Variants in VWC2 observed in about 807,000 individuals in gnomAD.
VWC2 encodes the protein von Willebrand factor C domain containing 2, also known as brorin.
A neutral mutation model predicts 29.8 loss-of-function variants in VWC2; 14 were observed. That is an observed-to-expected ratio of 0.47 (90% CI 0.31 to 0.74). The LOEUF (loss-of-function observed/expected upper bound fraction) is 0.74. Ranked by LOEUF, VWC2 falls within the 30% of genes least tolerant of loss-of-function variation. The pLI is 0.05. For synonymous variants in VWC2, 213 were observed against 199.0 expected (o/e 1.07, Z -0.59); for missense variants, 457 against 459.8 (o/e 0.99, Z 0.05).
At chr7:49,875,387 A>AAAAC (rs1476505605) in intron 3 of VWC2, among the ~76,000 whole-genome samples, 11 of 149,738 alleles carry the variant, frequency 7.3e-5, no homozygotes, top group Non-Finnish European at 1.0e-4. Context: ...AAAAAAAAAA[A>AAAAC]AAAAAAAAAA....
chr7:49,909,980 G>T (rs1458939463), intron 3 of VWC2, among the ~76,000 whole-genome samples: 2 of 151,722 alleles, frequency 1.3e-5, no homozygotes, highest in African/African-American at 4.8e-5. Context: ...GTGGTGGTGT[G>T]CTCCTCTGAT....
intron 3 of VWC2, among the ~76,000 whole-genome samples, chr7:49,834,937 A>C (rs2661876): frequency 0.36 from 54,468 of 152,054 alleles, 10,172 homozygotes; most frequent in South Asian, 0.53. Flanking sequence ...TGTCAACCTA[A>C]AGATAGAAGC....
chr7:49,880,711 T>C (rs1461450064), intron 3 of VWC2, among the ~76,000 whole-genome samples: 2 of 151,950 alleles, frequency 1.3e-5, no homozygotes, highest in African/African-American at 4.8e-5. Flanking sequence ...AGGGATAGCA[T>C]TAGGAGATAC....
At chr7:49,827,801 A>G (rs980696920) in intron 3 of VWC2, among the ~76,000 whole-genome samples, 1 of 152,060 alleles carries the variant, frequency 6.6e-6, no homozygotes, top group Admixed American at 6.5e-5. Flanking sequence ...ACACCCCATT[A>G]TATCTTACCA....
Position 49,774,540 on chromosome 7 carries a change from A to C in VWC2, c.-104+427A>C, listed in dbSNP as rs552464574. On this transcript the variant is annotated intron_variant, in intron 1 of 3. Coordinates refer to ENST00000340652, the MANE Select transcript of VWC2 (RefSeq NM_198570.5). ...CGCCCACTCTGCGCCCTGGGGCCCC[A>C]GCCTCCCGCACTGCACACCTTGGTG... is the stretch of plus-strand genomic sequence containing the variant. 4.6e-5 allele frequency among the ~76,000 whole-genome samples: 7 copies of C among 152,308 alleles called. No individual in the cohort carries two copies. In the East Asian group the frequency reaches 1.4e-3, roughly 30 times the overall value.
chr7:49,805,624 T>C (rs1788860644), intron 3 of VWC2, among the ~76,000 whole-genome samples: 1 of 152,212 alleles, frequency 6.6e-6, no homozygotes, highest in Non-Finnish European at 1.5e-5. Flanking sequence ...TGCTCTATAA[T>C]AACTGACTGA....
Position 49,775,387 on chromosome 7 carries a change from C to G in VWC2, c.-49C>G. 7.5e-7 allele frequency: 1 copy of G among 1,328,246 alleles called. No individual in the cohort carries two copies. The highest frequency in any genetic ancestry group is 1.5e-5 in the African/African-American group (1 of 64,752). 82.3% of individuals were successfully genotyped at this position (1,328,246 alleles called of 1,614,324 possible). The stretch of plus-strand genomic sequence containing the variant: ...GCCCCCGGGCTGTGAATGCGACTCG[C>G]CCCTCGGCCGCGCTCCCCGCCCGCC... On this transcript the variant is annotated 5_prime_UTR_variant, in exon 2 of 4. Coordinates refer to ENST00000340652, the MANE Select transcript of VWC2 (RefSeq NM_198570.5).
At chr7:49,885,287 AGGTAATTTCT>A (rs1340048762) in intron 3 of VWC2, among the ~76,000 whole-genome samples, 4 of 152,174 alleles carry the variant, frequency 2.6e-5, no homozygotes, top group Non-Finnish European at 4.4e-5. Flanking sequence ...ATAAAATGAG[AGGTAATTTCT>A]CAACAAATTT....
chr7:49,834,761 T>G (rs564386327), intron 3 of VWC2, among the ~76,000 whole-genome samples: 6 of 152,146 alleles, frequency 3.9e-5, no homozygotes, highest in East Asian at 3.9e-4. Context: ...ATTCTGGGGG[T>G]TTGGGACTGG....
At chr7:49,876,782 T>A (rs1025333480) in intron 3 of VWC2, among the ~76,000 whole-genome samples, 5 of 152,134 alleles carry the variant, frequency 3.3e-5, no homozygotes, top group African/African-American at 1.2e-4. Flanking sequence ...TATGGCATAA[T>A]TAGCTTGAAA....
chr7:49,871,877 A>G (rs1310643731), intron 3 of VWC2, among the ~76,000 whole-genome samples: 1 of 140,258 alleles, frequency 7.1e-6, no homozygotes, highest in Admixed American at 7.0e-5. Context: ...GTGCATATAT[A>G]ATGTTTTTTG....
intron 3 of VWC2, among the ~76,000 whole-genome samples, chr7:49,838,105 T>G (rs893696749): frequency 2.6e-5 from 4 of 152,320 alleles, no homozygotes; most frequent in South Asian, 4.1e-4. Flanking sequence ...TCACTCTAGC[T>G]AGGGGGACAG....
chr7:49,775,401 T>TCCCC lies in VWC2; in HGVS notation c.-34_-31dup. The stretch of plus-strand genomic sequence containing the variant: ...AATGCGACTCGCCCCTCGGCCGCGC[T>TCCCC]CCCCGCCCGCCCGCCCGCCGGGACG... On this transcript the variant is annotated 5_prime_UTR_variant, in exon 2 of 4. An upstream open reading frame in the 5' UTR loses its in-frame stop. Transcript: ENST00000340652. The TCCCC allele has an allele frequency of 4.6e-5, 49 of 1,072,726 alleles. No homozygotes were observed. The highest frequency in any genetic ancestry group is 5.7e-5 in the Non-Finnish European group (47 of 829,158). The allele number at this position is 1,072,726 out of a possible 1,614,324, so 66.5% of individuals were successfully genotyped here.
chr7:49,893,951 T>C (rs1264794174), intron 3 of VWC2, among the ~76,000 whole-genome samples: 1 of 152,210 alleles, frequency 6.6e-6, no homozygotes, highest in African/African-American at 2.4e-5. Context: ...CACAAGCAGA[T>C]GCTGGACCCT....
chr7:49,860,245 T>C (rs773297899), intron 3 of VWC2, among the ~76,000 whole-genome samples: 7 of 152,224 alleles, frequency 4.6e-5, no homozygotes, highest in Non-Finnish European at 7.3e-5. Flanking sequence ...TGTTAAGTGG[T>C]ATCTCCTCAT....
In VWC2 at chr7:49,915,494, G is replaced by A. The variant is rs372832264; in HGVS notation, c.*3309G>A. The A allele has an allele frequency of 6.6e-6, 1 of 152,080 alleles. No homozygotes were observed. The highest frequency in any genetic ancestry group is 1.5e-5 in the Non-Finnish European group (1 of 68,014). The allele number at this position is 152,080 out of a possible 1,614,324, so 9.4% of individuals were successfully genotyped here. A position where few individuals can be genotyped will look rare whatever the true frequency, so the allele number is the denominator to read the frequency against. The stretch of plus-strand genomic sequence containing the variant: ...TCTTCCCTCGTTCTCCAACATAAAT[G>A]TTGCATTTATATAAGGTTAAAAGTC... On this transcript the variant is annotated 3_prime_UTR_variant, in exon 4 of 4. Transcript: ENST00000340652.
chr7:49,787,887 C>A (rs957799735), intron 2 of VWC2, among the ~76,000 whole-genome samples: 1 of 152,146 alleles, frequency 6.6e-6, no homozygotes, highest in Non-Finnish European at 1.5e-5. Flanking sequence ...TATCTTGCTT[C>A]TAGGTAACAG....
rs1439616795 is a variant in VWC2 at position 49,914,780 on chromosome 7, C to T, written c.*2595C>T. On this transcript the variant is annotated 3_prime_UTR_variant, in exon 4 of 4. Coordinates refer to ENST00000340652, the MANE Select transcript of VWC2 (RefSeq NM_198570.5). Reference sequence around the variant, plus strand: ...TTCAATAAATAACCTGAATAACTGCCCAATAAAAAAGGAAAGTATAAGTTA... The same window carrying T: ...TTCAATAAATAACCTGAATAACTGCTCAATAAAAAAGGAAAGTATAAGTTA... The T allele has an allele frequency of 6.6e-6, 1 of 151,712 alleles. No homozygotes were observed. Among genetic ancestry groups the T allele is most frequent in the South Asian group, 2.1e-4 (1 of 4,810 alleles). The allele number at this position is 151,712 out of a possible 1,614,324, so 9.4% of individuals were successfully genotyped here. A position where few individuals can be genotyped will look rare whatever the true frequency, so the allele number is the denominator to read the frequency against.
intron 3 of VWC2, among the ~76,000 whole-genome samples, chr7:49,825,221 C>A (rs1314350329): frequency 6.6e-6 from 1 of 152,082 alleles, no homozygotes; most frequent in Non-Finnish European, 1.5e-5. Flanking sequence ...GTTTTCATTT[C>A]TTCATGTTGA....
Sources: allele counts gnomAD v4.1 joint callset (sites outside exome capture counted in the v4.1 genomes callset), GRCh38; gene constraint gnomAD v4.1.1; transcripts MANE v1.5; gene names NCBI Gene and HGNC (gene_info 2026-07-23, HGNC 2026-07-21).